The following KIAA1217 variants were observed in gnomAD, a reference collection of about 807,000 sequenced individuals.
KIAA1217 encodes the protein KIAA1217, also known as sickle tail protein homolog.
In KIAA1217, 88 loss-of-function variants were observed where a neutral mutation model predicts 163.9. That is an observed-to-expected ratio of 0.54 (90% confidence interval 0.45 to 0.64). The LOEUF is 0.64. Among genes scored for constraint, KIAA1217 ranks in the 30% least tolerant of loss-of-function variants. The pLI is 0.00. For missense variants in KIAA1217, 2,372 were observed against 2,475.0 expected, an observed-to-expected ratio of 0.96 and a Z score of 0.88; for synonymous variants, 903 against 923.1, an observed-to-expected ratio of 0.98 and a Z score of 0.39.
intron 2 of KIAA1217, among the ~76,000 whole-genome samples, chr10:24,347,300 T>C (rs2047913588): frequency 6.6e-6 from 1 of 152,206 alleles, no homozygotes; most frequent in South Asian, 2.1e-4. Flanking sequence ...ATGCAGTGCG[T>C]GATCTTTCTC....
intron 1 of KIAA1217, among the ~76,000 whole-genome samples, chr10:23,864,403 T>C (rs1339887773): frequency 6.6e-6 from 1 of 151,956 alleles, no homozygotes; most frequent in East Asian, 1.9e-4. Context: ...TAAAATTTAG[T>C]TTATGTCCTT....
chr10:23,908,158 G>A (rs754716268), intron 1 of KIAA1217, among the ~76,000 whole-genome samples: 10 of 152,144 alleles, frequency 6.6e-5, no homozygotes, highest in South Asian at 4.1e-4. Context: ...ACAAGAGCCC[G>A]TGCAGCTAGA....
At position 23,790,532 on chromosome 10, in the gene KIAA1217, C is replaced by CATGTACAT. The variant is rs2085230431; in HGVS notation, c.-321+95300_-321+95301insGTACATAT. 2.5e-5 allele frequency among the ~76,000 whole-genome samples: 2 copies of CATGTACAT among 80,402 alleles called. 1 individual carries two copies. Among genetic ancestry groups the CATGTACAT allele is most frequent in the African/African-American group, 1.5e-4 (2 of 13,688 alleles). 52.7% of individuals were successfully genotyped at this position (80,402 alleles called of 152,430 possible). On this transcript the variant is annotated intron_variant, in intron 1 of 18. Transcript: ENST00000376462. ...ATACATATGTATATATACATATATACATATACATGTGCATATATACATATG... is the reference window on the plus strand; with the variant it reads ...ATACATATGTATATATACATATATACATGTACATATATACATGTGCATATATACATATG...
chr10:24,064,749 T>C (rs999145904), intron 2 of KIAA1217, among the ~76,000 whole-genome samples: 5 of 152,256 alleles, frequency 3.3e-5, no homozygotes, highest in African/African-American at 1.2e-4. Flanking sequence ...TGGTAGAATT[T>C]GGCTGTGAAT....
intron 1 of KIAA1217, among the ~76,000 whole-genome samples, chr10:23,825,146 C>T (rs1837839274): frequency 6.6e-6 from 1 of 152,174 alleles, no homozygotes; most frequent in Non-Finnish European, 1.5e-5. Flanking sequence ...CATTCACAGT[C>T]TGCAAACCCT....
chr10:23,740,894 C>T (rs573150364), intron 1 of KIAA1217, among the ~76,000 whole-genome samples: 1 of 152,260 alleles, frequency 6.6e-6, no homozygotes, highest in African/African-American at 2.4e-5. Flanking sequence ...TGCCATTGCA[C>T]TCCAGCCTGG....
At chr10:23,782,703 A>G (rs1465452277) in intron 1 of KIAA1217, among the ~76,000 whole-genome samples, 1 of 152,124 alleles carries the variant, frequency 6.6e-6, no homozygotes, top group Non-Finnish European at 1.5e-5. Flanking sequence ...AAAGTATATT[A>G]TGTTTATTAG....
At chr10:24,321,905 C>T (rs1564469069) in intron 2 of KIAA1217, among the ~76,000 whole-genome samples, 1 of 152,020 alleles carries the variant, frequency 6.6e-6, no homozygotes, top group Non-Finnish European at 1.5e-5. Flanking sequence ...TCAAAAATGG[C>T]TAGGTTGGTA....
rs145621710 is a variant in KIAA1217, at chr10:24,281,850, G to T, written c.354+61941G>T. 1.3e-3 allele frequency among the ~76,000 whole-genome samples: 198 copies of T among 152,270 alleles called. 1 individual carries two copies. The highest frequency in any genetic ancestry group is 4.4e-3 in the African/African-American group (181 of 41,544). ...CCAAGACAGGCAGATCATGAGGTCA[G>T]ATCGAGACCAGCATGGCTAACACGG... On this transcript the variant is annotated intron_variant, in intron 2 of 20. Transcript: ENST00000376454.
At chr10:24,360,452 T>C (rs532349399) in intron 2 of KIAA1217, among the ~76,000 whole-genome samples, 1 of 152,340 alleles carries the variant, frequency 6.6e-6, no homozygotes, top group Non-Finnish European at 1.5e-5. Context: ...TGAAATCTCT[T>C]AGACTTGCAG....
chr10:23,714,555 C>T (rs1837456439), intron 1 of KIAA1217, among the ~76,000 whole-genome samples: 1 of 152,124 alleles, frequency 6.6e-6, no homozygotes, highest in African/African-American at 2.4e-5. Context: ...CCTGCCTTTT[C>T]ACCTGCTGGT....
At chr10:23,849,717 G>A (rs988582187) in intron 1 of KIAA1217, among the ~76,000 whole-genome samples, 5 of 152,010 alleles carry the variant, frequency 3.3e-5, no homozygotes, top group Admixed American at 6.6e-5. Context: ...AAAAAGAGTT[G>A]CTCTCAATGG....
intron 9 of KIAA1217, among the ~76,000 whole-genome samples, chr10:24,507,633 G>T (rs563244104): frequency 1.2e-4 from 19 of 152,256 alleles, no homozygotes; most frequent in African/African-American, 4.6e-4. Flanking sequence ...GAATTAAAAT[G>T]TAGTGACCAG....
chr10:23,907,314 G>A (rs1842203388), intron 1 of KIAA1217, among the ~76,000 whole-genome samples: 1 of 151,846 alleles, frequency 6.6e-6, no homozygotes, highest in South Asian at 2.1e-4. Flanking sequence ...GTGTGTGTGT[G>A]TGTGTATGAG....
chr10:23,900,693 T>G (rs530287301), intron 1 of KIAA1217, among the ~76,000 whole-genome samples: 8 of 152,204 alleles, frequency 5.3e-5, no homozygotes, highest in African/African-American at 1.9e-4. Flanking sequence ...AGTGTTGTAT[T>G]CATCTGGGTT....
chr10:23,801,872 C>A (rs560143624), intron 1 of KIAA1217, among the ~76,000 whole-genome samples: 2 of 152,166 alleles, frequency 1.3e-5, no homozygotes, highest in African/African-American at 4.8e-5. Flanking sequence ...TTTTTGACAA[C>A]GTGATTAAAA....
intron 1 of KIAA1217, among the ~76,000 whole-genome samples, chr10:24,211,129 T>C (rs1326142273): frequency 6.6e-6 from 1 of 152,064 alleles, no homozygotes; most frequent in Non-Finnish European, 1.5e-5. Context: ...GGAGTGAAAC[T>C]GTAAATAGGA....
chr10:24,142,829 A>C (rs895699879), intron 2 of KIAA1217, among the ~76,000 whole-genome samples: 1 of 152,196 alleles, frequency 6.6e-6, no homozygotes, highest in Non-Finnish European at 1.5e-5. Flanking sequence ...AGTGACTGAA[A>C]GACAAAATCT....
At chr10:24,229,571 G>A (rs1471964261) in intron 2 of KIAA1217, among the ~76,000 whole-genome samples, 1 of 152,162 alleles carries the variant, frequency 6.6e-6, no homozygotes, top group Non-Finnish European at 1.5e-5. Context: ...AGGCTGGAGT[G>A]CAATGGCACA....
Sources: allele counts gnomAD v4.1 joint callset (sites outside exome capture counted in the v4.1 genomes callset), GRCh38; gene constraint gnomAD v4.1.1; transcripts MANE v1.5; gene names NCBI Gene and HGNC (gene_info 2026-07-23, HGNC 2026-07-21).